The following CCDC30 variants were observed in gnomAD, a reference collection of about 807,000 sequenced individuals.
CCDC30 encodes coiled-coil domain-containing protein 30.
Under a neutral mutation model 100.2 loss-of-function variants are expected in CCDC30, and 70 were observed. That is an observed-to-expected ratio of 0.70 (90% CI 0.58 to 0.85). The LOEUF (loss-of-function observed/expected upper bound fraction) is 0.85. Ranked by LOEUF, CCDC30 falls within the 40% of genes least tolerant of loss-of-function variation. CCDC30 has a pLI of 0.00. For synonymous variants in CCDC30, 233 were observed against 269.5 expected, an observed-to-expected ratio of 0.86 and a Z score of 1.33; for missense variants, 652 against 771.2, an observed-to-expected ratio of 0.85 and a Z score of 1.83.
chr1:42,460,198 G>T (rs1455226618), upstream of CCDC30: 1 of 1,136,336 alleles, frequency 8.8e-7, no homozygotes, highest in African/African-American at 1.6e-5. Context: ...ATGGGGGCCT[G>T]AATGTCAGCC....
chr1:42,626,383 T>C (rs1310608477), intron 11 of CCDC30, among the ~76,000 whole-genome samples: 2 of 152,248 alleles, frequency 1.3e-5, no homozygotes, highest in Non-Finnish European at 2.9e-5. Context: ...AAGGACTTAA[T>C]ACTCCTGATG....
intron 6 of CCDC30, among the ~76,000 whole-genome samples, chr1:42,564,950 C>T (rs530973029): frequency 5.3e-4 from 81 of 152,192 alleles, no homozygotes; most frequent in Non-Finnish European, 1.1e-3. Flanking sequence ...TGTCTTTCTG[C>T]GCCTGGCTTA....
chr1:42,466,590 C>T (rs1367627377), intron 1 of CCDC30, among the ~76,000 whole-genome samples: 1 of 150,690 alleles, frequency 6.6e-6, no homozygotes, highest in Admixed American at 6.6e-5. Context: ...CTTGCTCTGT[C>T]GCCCAGGCTG....
At chr1:42,494,216 C>T (rs1644192847) in intron 4 of CCDC30, among the ~76,000 whole-genome samples, 1 of 152,220 alleles carries the variant, frequency 6.6e-6, no homozygotes, top group African/African-American at 2.4e-5. Context: ...CTACAACTAT[C>T]TGATCTTTGA....
intron 3 of CCDC30, among the ~76,000 whole-genome samples, chr1:42,487,007 C>T (rs1355742424): frequency 1.3e-5 from 2 of 150,176 alleles, no homozygotes; most frequent in African/African-American, 2.5e-5. Flanking sequence ...CACAGTAGCA[C>T]ATGCTTATGT....
At chr1:42,476,883 GTTTTTTTTTTTGT>G (rs1255972626) in intron 1 of CCDC30, among the ~76,000 whole-genome samples, 19 of 126,478 alleles carry the variant, frequency 1.5e-4, no homozygotes, top group Middle Eastern at 3.9e-3. Context: ...GTTGATGGAA[GTTTTTTTTTTTGT>G]TTTTTTTTTT....
chr1:42,482,827 G>A lies in CCDC30; in HGVS notation c.169+11G>A, dbSNP rs575942349. 3 of 1,231,830 alleles carry A rather than the reference G, an allele frequency of 2.4e-6. No homozygotes were observed. Among genetic ancestry groups the A allele is most frequent in the South Asian group, 4.1e-5 (1 of 24,362 alleles). 76.3% of individuals were successfully genotyped at this position (1,231,830 alleles called of 1,614,324 possible). A position where few individuals can be genotyped will look rare whatever the true frequency, so the allele number is the denominator to read the frequency against. ...AACAATGTAAATTAGGTAAGCTGTG[G>A]TTTCAGATGACCATTTCCGATCATG... On this transcript the variant is annotated intron_variant, in intron 3 of 16. Transcript: ENST00000668663.
chr1:42,520,357 A>T, intron 6 of CCDC30, among the ~76,000 whole-genome samples: 1 of 149,790 alleles, frequency 6.7e-6, no homozygotes, highest in Non-Finnish European at 1.5e-5. Flanking sequence ...TTTGAGACAG[A>T]GTCTCACTCT....
At chr1:42,512,794 A>C (rs893898304) in intron 6 of CCDC30, among the ~76,000 whole-genome samples, 1 of 152,170 alleles carries the variant, frequency 6.6e-6, no homozygotes, top group Non-Finnish European at 1.5e-5. Context: ...GGCTAGGCCC[A>C]ACATGAAAAG....
chr1:42,653,504 G>C, intron 16 of CCDC30, 61 bp downstream of exon 20: 11 of 1,080,398 alleles, frequency 1.0e-5, no homozygotes, highest in Non-Finnish European at 1.6e-5. Context: ...AGCCATGCCT[G>C]AGAGTCATGG....
chr1:42,621,508 T>TATTTATTTATTA (rs1646831342), intron 11 of CCDC30, among the ~76,000 whole-genome samples: 4 of 150,452 alleles, frequency 2.7e-5, no homozygotes, highest in Admixed American at 2.0e-4. Context: ...TTTATTTATT[T>TATTTATTTATTA]ATTTATTTAT....
At chr1:42,568,554 A>G (rs1274240324) in intron 7 of CCDC30, among the ~76,000 whole-genome samples, 3 of 152,102 alleles carry the variant, frequency 2.0e-5, no homozygotes, top group African/African-American at 7.2e-5. Context: ...TCCTTTATAG[A>G]CATCTTGCCA....
chr1:42,456,587 G>T, the CCDC30 span: 2 of 1,498,164 alleles, frequency 1.3e-6, no homozygotes, highest in Non-Finnish European at 1.8e-6. Flanking sequence ...GGATCCGGTA[G>T]CCGAGTTCCC....
chr1:42,604,871 G>T (rs1396048925), intron 10 of CCDC30, among the ~76,000 whole-genome samples: 2 of 152,176 alleles, frequency 1.3e-5, no homozygotes, highest in Non-Finnish European at 1.5e-5. Flanking sequence ...AACAAGAAGA[G>T]GCCATTACTT....
At chr1:42,607,555 T>TATAAAAAAA (rs1646525651) in intron 10 of CCDC30, among the ~76,000 whole-genome samples, 1 of 89,796 alleles carries the variant, frequency 1.1e-5, no homozygotes. Context: ...CTTGTCTCTA[T>TATAAAAAAA]AAAAAAAAAA....
intron 10 of CCDC30, among the ~76,000 whole-genome samples, chr1:42,607,890 G>A (rs1646534854): frequency 6.6e-6 from 1 of 152,128 alleles, no homozygotes; most frequent in Non-Finnish European, 1.5e-5. Flanking sequence ...TGGTAACAAG[G>A]GACTGCCTTT....
chr1:42,472,434 A>G (rs961289818), intron 1 of CCDC30, among the ~76,000 whole-genome samples: 11 of 152,216 alleles, frequency 7.2e-5, no homozygotes, highest in Admixed American at 5.2e-4. Context: ...TGAATTAATG[A>G]GAAGTCAACA....
At chr1:42,648,917 T>A (rs1387032576) in intron 15 of CCDC30, among the ~76,000 whole-genome samples, 1 of 151,988 alleles carries the variant, frequency 6.6e-6, no homozygotes, top group Non-Finnish European at 1.5e-5. Context: ...CTATTATGAA[T>A]AACCATATGC....
At chr1:42,610,921 C>A in intron 10 of CCDC30, 57 bp from the exon 15 acceptor site, 14 of 715,390 alleles carry the variant, frequency 2.0e-5, no homozygotes, top group Middle Eastern at 2.8e-4. Context: ...CTTTGCATTT[C>A]TTCAACATCA....
Sources: allele counts gnomAD v4.1 joint callset (sites outside exome capture counted in the v4.1 genomes callset), GRCh38; gene constraint gnomAD v4.1.1; transcripts MANE v1.5; gene names NCBI Gene and HGNC (gene_info 2026-07-23, HGNC 2026-07-21).